Variants in RAB22A observed in about 807,000 individuals in gnomAD.
RAB22A encodes RAB22A, member RAS oncogene family.
A neutral mutation model predicts 30.2 loss-of-function variants in RAB22A; 13 were observed. That is an observed-to-expected ratio of 0.43 (90% CI 0.28 to 0.68). The LOEUF is 0.68. Ranked by LOEUF, RAB22A falls within the 30% of genes least tolerant of loss-of-function variation. The pLI, the probability that RAB22A is intolerant of heterozygous loss-of-function variation, is 0.18. For missense variants in RAB22A, 177 were observed against 246.8 expected, an observed-to-expected ratio of 0.72 and a Z score of 1.89; for synonymous variants, 89 against 87.2, an observed-to-expected ratio of 1.02 and a Z score of -0.11.
In RAB22A at chr20:58,316,334, C is replaced by G. The variant is rs6026194; in HGVS notation, c.116+5212C>G. ...CTTCGGTCTCCTTCGGCCTTGTCATCCCTTTGTATGTCCAGATCCCAGGGT... is the reference window on the plus strand; with the variant it reads ...CTTCGGTCTCCTTCGGCCTTGTCATGCCTTTGTATGTCCAGATCCCAGGGT... On this transcript the variant is annotated intron_variant, in intron 2 of 6. Transcript: ENST00000244040. Among the ~76,000 whole-genome samples the G allele has an allele frequency of 1.6e-4, 24 of 152,294 alleles. 1 individual carries two copies. The highest frequency in any genetic ancestry group is 5.8e-4 in the African/African-American group (24 of 41,556).
At chr20:58,353,160 T>G in intron 3 of RAB22A, 113 bp from the exon 4 acceptor site, 2 of 991,614 alleles carry the variant, frequency 2.0e-6, no homozygotes, top group Non-Finnish European at 2.9e-6. Flanking sequence ...TGTCATTTTC[T>G]TGGCTTAAGA....
At chr20:58,336,002 CTTTG>C (rs546838578) in intron 2 of RAB22A, among the ~76,000 whole-genome samples, 55 of 151,936 alleles carry the variant, frequency 3.6e-4, no homozygotes, top group African/African-American at 1.2e-3. Context: ...TGTTTGTTTT[CTTTG>C]TTTGTTTGTT....
At chr20:58,324,865 CAAAAAA>C (rs35375006) in intron 2 of RAB22A, among the ~76,000 whole-genome samples, 2 of 29,760 alleles carry the variant, frequency 6.7e-5, no homozygotes, top group Non-Finnish European at 1.2e-4. Flanking sequence ...GACTCCGTCT[CAAAAAA>C]AAAAAAAAAA....
At position 58,361,144 on chromosome 20, in the gene RAB22A, T is replaced by C. The variant is rs780570301; in HGVS notation, c.*1441T>C. 3.3e-5 allele frequency: 5 copies of C among 152,654 alleles called. No homozygotes were observed. The highest frequency in any genetic ancestry group is 1.3e-4 in the Admixed American group (2 of 15,270). The allele number at this position is 152,654 out of a possible 1,614,324, so 9.5% of individuals were successfully genotyped here. A position where few individuals can be genotyped will look rare whatever the true frequency, so the allele number is the denominator to read the frequency against. On this transcript the variant is annotated 3_prime_UTR_variant, in exon 7 of 7. Transcript: ENST00000244040. ...TTGAAGTGAAGTTGGTGAAAATTTG[T>C]TCCTGGTCTAATTTGGCACCCTTCC...
intron 2 of RAB22A, among the ~76,000 whole-genome samples, chr20:58,341,115 T>G (rs564985525): frequency 4.6e-5 from 7 of 152,244 alleles, no homozygotes; most frequent in Non-Finnish European, 1.0e-4. Context: ...GAAATTCGTC[T>G]GTTCTCTAGT....
At chr20:58,359,541 C>A in intron 6 of RAB22A, 65 bp from the exon 7 acceptor site, 3 of 1,021,610 alleles carry the variant, frequency 2.9e-6, no homozygotes, top group Non-Finnish European at 4.1e-6. Context: ...CAAATTGCAT[C>A]TGCAAAATTG....
At chr20:58,326,174 A>G (rs1207956947) in intron 2 of RAB22A, among the ~76,000 whole-genome samples, 5 of 151,714 alleles carry the variant, frequency 3.3e-5, no homozygotes, top group Non-Finnish European at 7.4e-5. Flanking sequence ...GTATGTTTAT[A>G]TTTAAGGTAG....
intron 6 of RAB22A, among the ~76,000 whole-genome samples, chr20:58,359,240 A>C (rs1987183592): frequency 6.6e-6 from 1 of 152,202 alleles, no homozygotes; most frequent in Non-Finnish European, 1.5e-5. Context: ...TTAATTAAAA[A>C]ACGTTTACTA....
At chr20:58,320,887 C>G (rs139017086) in intron 2 of RAB22A, among the ~76,000 whole-genome samples, 142 of 152,026 alleles carry the variant, frequency 9.3e-4, no homozygotes, top group African/African-American at 3.4e-3. Flanking sequence ...GAAACCCTGT[C>G]TCTGCTAAAA....
chr20:58,324,523 A>G (rs538502804), intron 2 of RAB22A, among the ~76,000 whole-genome samples: 10 of 152,054 alleles, frequency 6.6e-5, no homozygotes, highest in African/African-American at 2.2e-4. Flanking sequence ...TAACTTCTTG[A>G]GATAGACAGT....
chr20:58,354,282 C>T lies in RAB22A; in HGVS notation c.487+17C>T, dbSNP rs758735592. 16 of 1,553,380 alleles carry T rather than the reference C, an allele frequency of 1.0e-5. No individual in the cohort carries two copies. On this transcript the variant is annotated intron_variant, in intron 6 of 6. Transcript: ENST00000244040. ...TAGAAATTAGTGAGTATCTCTGTGC[C>T]TTATCCATTTCCTCTGTAAAAGCCG...
At chr20:58,333,199 G>A (rs1260002787) in intron 2 of RAB22A, among the ~76,000 whole-genome samples, 1 of 151,960 alleles carries the variant, frequency 6.6e-6, no homozygotes, top group Non-Finnish European at 1.5e-5. Flanking sequence ...AGAACCACTT[G>A]AACCCAGGAG....
intron 2 of RAB22A, among the ~76,000 whole-genome samples, chr20:58,329,343 G>A (rs1277661380): frequency 6.6e-6 from 1 of 152,168 alleles, no homozygotes; most frequent in African/African-American, 2.4e-5. Context: ...ATGAGCCACG[G>A]CACCTGGCTG....
intron 2 of RAB22A, among the ~76,000 whole-genome samples, chr20:58,330,608 A>G (rs1219427120): frequency 6.6e-6 from 1 of 152,172 alleles, no homozygotes; most frequent in Non-Finnish European, 1.5e-5. Flanking sequence ...ATTATGGGCT[A>G]ATCATCTTGA....
chr20:58,354,343 G>C lies in RAB22A; in HGVS notation c.487+78G>C. The C allele has an allele frequency of 3.0e-6, 3 of 993,692 alleles. No homozygotes were observed. The South Asian group carries it at 4.7e-5, about 16-fold the overall frequency. The allele number at this position is 993,692 out of a possible 1,614,324, so 61.6% of individuals were successfully genotyped here. ...AATGATCTTCCTGGTTAGAATTCCT[G>C]TCTTACTTAGAGCAGTCTAGTCTCT... On this transcript the variant is annotated intron_variant, in intron 6 of 6. Coordinates refer to ENST00000244040, the MANE Select transcript of RAB22A (RefSeq NM_020673.3).
In RAB22A at chr20:58,359,586, C is replaced by T. The variant is rs375672457; in HGVS notation, c.488-20C>T. 25 of 1,565,308 alleles carry T rather than the reference C, an allele frequency of 1.6e-5. No homozygotes were observed. Among genetic ancestry groups the T allele is most frequent in the Non-Finnish European group, 2.2e-5 (25 of 1,139,244 alleles). On this transcript the variant is annotated intron_variant, in intron 6 of 6. Coordinates refer to ENST00000244040, the MANE Select transcript of RAB22A (RefSeq NM_020673.3). ...AGAAAGTTAAAGCTCACTCCCTTCC[C>T]TTTTCTCATCTTGGTTTAGGTCGAA...
Position 58,364,997 on chromosome 20 carries a change from C to T in RAB22A, c.*5294C>T, listed in dbSNP as rs1228073985. ...TGATCTGCTTGCCTCGGCTTCGCAA[C>T]ATTCTGGGATTACAGACGTGAGCCA... On this transcript the variant is annotated 3_prime_UTR_variant, in exon 7 of 7. Coordinates refer to ENST00000244040, the MANE Select transcript of RAB22A (RefSeq NM_020673.3). 6.6e-6 allele frequency: 1 copy of T among 152,120 alleles called. No individual in the cohort carries two copies. The highest frequency in any genetic ancestry group is 2.4e-5 in the African/African-American group (1 of 41,448). 9.4% of individuals were successfully genotyped at this position (152,120 alleles called of 1,614,324 possible).
intron 2 of RAB22A, among the ~76,000 whole-genome samples, chr20:58,341,701 C>A (rs1986856387): frequency 1.3e-5 from 2 of 152,146 alleles, no homozygotes. Context: ...TTTTATCTGA[C>A]TCAATAATAA....
intron 2 of RAB22A, among the ~76,000 whole-genome samples, chr20:58,318,116 C>A (rs1420949471): frequency 2.0e-5 from 3 of 152,216 alleles, no homozygotes; most frequent in Non-Finnish European, 4.4e-5. Flanking sequence ...GATCCTCCTG[C>A]CTTGGCCTCC....
Sources: gnomAD v4.1 joint callset for allele counts (sites outside exome capture counted in the v4.1 genomes callset) on GRCh38, gnomAD v4.1.1 for gene constraint, MANE v1.5 for transcripts, NCBI Gene and HGNC (gene_info 2026-07-23, HGNC 2026-07-21) for gene names.